HPSE2: variants seen among roughly 807,000 people sequenced by gnomAD.
HPSE2 encodes the protein heparanase 2 (inactive).
Under a neutral mutation model 60.5 loss-of-function variants are expected in HPSE2, and 38 were observed. The ratio of observed to expected loss-of-function variants is 0.63; its 90% CI spans 0.48 to 0.82. The LOEUF is 0.82. Ranked by LOEUF, HPSE2 falls within the 40% of genes least tolerant of loss-of-function variation. The pLI, the probability that HPSE2 is intolerant of heterozygous loss-of-function variation, is 0.00. For missense variants in HPSE2, 713 were observed against 740.4 expected (o/e 0.96, Z 0.43); for synonymous variants, 295 against 293.2 (o/e 1.01, Z -0.06).
intron 3 of HPSE2, among the ~76,000 whole-genome samples, chr10:98,925,292 C>G (rs149849943): frequency 5.9e-5 from 9 of 151,898 alleles, no homozygotes; most frequent in African/African-American, 1.4e-4. Context: ...GAGGGACAAA[C>G]AGTGAAGGCT....
intron 2 of HPSE2, among the ~76,000 whole-genome samples, chr10:99,227,662 A>T (rs1331088425): frequency 6.6e-6 from 1 of 151,846 alleles, no homozygotes; most frequent in Non-Finnish European, 1.5e-5. Flanking sequence ...GGCCTTTCAC[A>T]GTGCTTTTAA....
the HPSE2 span, among the ~76,000 whole-genome samples, chr10:99,271,616 A>G: frequency 6.6e-6 from 1 of 152,214 alleles, no homozygotes; most frequent in African/African-American, 2.4e-5. Flanking sequence ...AAGTACCACC[A>G]TCATTCTTCA....
At chr10:98,852,592 C>T (rs961258599) in intron 3 of HPSE2, among the ~76,000 whole-genome samples, 4 of 152,184 alleles carry the variant, frequency 2.6e-5, no homozygotes, top group Non-Finnish European at 4.4e-5. Flanking sequence ...AACAGACAGG[C>T]CTTGCTGGGT....
intron 3 of HPSE2, among the ~76,000 whole-genome samples, chr10:99,117,141 T>C (rs1844725544): frequency 6.6e-6 from 1 of 152,004 alleles, no homozygotes; most frequent in Admixed American, 6.6e-5. Context: ...AGAGATTTTA[T>C]AATTCAAGAA....
At chr10:99,169,061 T>C (rs1847197724) in intron 2 of HPSE2, among the ~76,000 whole-genome samples, 1 of 149,510 alleles carries the variant, frequency 6.7e-6, no homozygotes, top group South Asian at 2.1e-4. Context: ...GGCGTGGTGG[T>C]GGGCGCCTGT....
chr10:99,294,423 A>AT, the HPSE2 span, among the ~76,000 whole-genome samples: 1 of 145,622 alleles, frequency 6.9e-6, no homozygotes, highest in African/African-American at 2.5e-5. Context: ...ATATACATAT[A>AT]ATATATAATA....
intron 9 of HPSE2, among the ~76,000 whole-genome samples, chr10:98,517,864 G>A (rs570418982): frequency 1.3e-5 from 2 of 152,340 alleles, no homozygotes; most frequent in South Asian, 2.1e-4. Flanking sequence ...ATTTGACTGC[G>A]GTCAAAACTG....
At chr10:98,906,242 C>T (rs1409893870) in intron 3 of HPSE2, among the ~76,000 whole-genome samples, 8 of 152,158 alleles carry the variant, frequency 5.3e-5, no homozygotes, top group African/African-American at 9.7e-5. Context: ...AATTTCCCCC[C>T]AAAATTCCCT....
intron 3 of HPSE2, among the ~76,000 whole-genome samples, chr10:98,953,109 C>T (rs969538877): frequency 6.6e-6 from 1 of 152,130 alleles, no homozygotes; most frequent in East Asian, 1.9e-4. Context: ...AAAAAAGATG[C>T]TGAAGGCTCC....
intron 10 of HPSE2, among the ~76,000 whole-genome samples, chr10:98,483,452 T>C (rs74156619): frequency 0.035 from 5,360 of 152,300 alleles, 335 homozygotes; most frequent in African/African-American, 0.12. Context: ...AATTATGTCA[T>C]GTGTATAAAC....
At chr10:99,062,381 G>T (rs1842473788) in intron 3 of HPSE2, among the ~76,000 whole-genome samples, 2 of 152,204 alleles carry the variant, frequency 1.3e-5, no homozygotes, top group African/African-American at 4.8e-5. Flanking sequence ...CTAGTTCTCA[G>T]TTAGACAGAA....
chr10:98,709,310 A>C (rs573580842), intron 5 of HPSE2, among the ~76,000 whole-genome samples: 34 of 152,336 alleles, frequency 2.2e-4, no homozygotes, highest in African/African-American at 7.9e-4. Context: ...GTATTATCCA[A>C]GGACTTTCTA....
chr10:99,077,718 ATATG>A (rs1209523946), intron 3 of HPSE2, among the ~76,000 whole-genome samples: 3 of 53,174 alleles, frequency 5.6e-5, no homozygotes, highest in South Asian at 1.5e-3. Context: ...GTGTGTATAT[ATATG>A]TGTGTGTGTG....
intron 3 of HPSE2, among the ~76,000 whole-genome samples, chr10:98,958,876 C>G (rs1410851362): frequency 6.6e-6 from 1 of 151,976 alleles, no homozygotes; most frequent in East Asian, 1.9e-4. Flanking sequence ...AATTAGGAAC[C>G]AAATTTAACA....
chr10:98,568,017 A>G (rs1944395355), intron 9 of HPSE2, among the ~76,000 whole-genome samples: 1 of 152,200 alleles, frequency 6.6e-6, no homozygotes, highest in South Asian at 2.1e-4. Flanking sequence ...CACTGCTGGG[A>G]AGACCACATA....
At chr10:98,746,083 T>A (rs556338267) in intron 3 of HPSE2, among the ~76,000 whole-genome samples, 1 of 149,932 alleles carries the variant, frequency 6.7e-6, no homozygotes, top group African/African-American at 2.5e-5. Flanking sequence ...TTCTGTCAAC[T>A]TATATCATAC....
the HPSE2 span, among the ~76,000 whole-genome samples, chr10:99,308,378 T>TAAAAAAAAAA: frequency 4.5e-4 from 2 of 4,464 alleles, no homozygotes; most frequent in South Asian, 0.011. Flanking sequence ...AGACTCTGTC[T>TAAAAAAAAAA]CAAAAAAAAA....
chr10:98,582,527 C>T lies in HPSE2; in HGVS notation c.1320+32377G>A, dbSNP rs577325111. On this transcript the variant is annotated intron_variant, in intron 9 of 11. Transcript: ENST00000370552. ...GTTGCTAGGGCAAGACCAGGCAGTACTGTGAAGCAGATGAGTGTGGCACCA... is the reference window on the plus strand; with the variant it reads ...GTTGCTAGGGCAAGACCAGGCAGTATTGTGAAGCAGATGAGTGTGGCACCA... Among the ~76,000 whole-genome samples, 7 of 152,166 alleles carry T rather than the reference C, an allele frequency of 4.6e-5. No individual in the cohort carries two copies. The South Asian group carries it at 1.4e-3, about 31-fold the overall frequency.
chr10:98,586,665 TA>T (rs1944948769), intron 9 of HPSE2, among the ~76,000 whole-genome samples: 1 of 152,182 alleles, frequency 6.6e-6, no homozygotes, highest in African/African-American at 2.4e-5. Context: ...ATTGCAAGAT[TA>T]AAGAGTTGAG....
Sources: allele counts gnomAD v4.1 joint callset (sites outside exome capture counted in the v4.1 genomes callset), GRCh38; gene constraint gnomAD v4.1.1; transcripts MANE v1.5; gene names NCBI Gene and HGNC (gene_info 2026-07-23, HGNC 2026-07-21).